The following SEPTIN6 variants were observed in gnomAD, a reference collection of about 807,000 sequenced individuals.
SEPTIN6 encodes septin 6, also known as septin-6.
SEPTIN6 carries 8 observed loss-of-function variants against 33.6 expected under a neutral mutation model. The observed-to-expected ratio is 0.24, with a 90% CI of 0.14 to 0.43. The LOEUF (loss-of-function observed/expected upper bound fraction) is 0.43. Among genes scored for constraint, SEPTIN6 ranks in the 20% least tolerant of loss-of-function variants. The pLI, the probability that SEPTIN6 is intolerant of heterozygous loss-of-function variation, is 1.00. For missense variants in SEPTIN6, 250 were observed against 340.8 expected (o/e 0.73, Z 2.10); for synonymous variants, 131 against 140.0 (o/e 0.94, Z 0.45).
At chrX:119,634,633 A>G (rs749142111) in intron 7 of SEPTIN6, among the ~76,000 whole-genome samples, 9 of 111,485 alleles carry the variant, frequency 8.1e-5, no homozygotes, top group Non-Finnish European at 1.7e-4. Context: ...AGGAAGTAGT[A>G]CTAGATCCAA....
chrX:119,644,211 G>C (rs1272515257), intron 5 of SEPTIN6, among the ~76,000 whole-genome samples: 1 of 110,976 alleles, frequency 9.0e-6, no homozygotes, highest in Non-Finnish European at 1.9e-5. Flanking sequence ...AGGAGAGTCT[G>C]TGTGACTCTC....
At chrX:119,622,393 G>A (rs1260931350) in intron 10 of SEPTIN6, among the ~76,000 whole-genome samples, 5 of 111,794 alleles carry the variant, frequency 4.5e-5, no homozygotes, top group African/African-American at 1.6e-4. Context: ...GGTGGCCTTC[G>A]TGATCCACCC....
Position 119,619,340 on chromosome X carries a change from T to G in SEPTIN6, c.*753A>C. On this transcript the variant is annotated 3_prime_UTR_variant, in exon 11 of 11. Coordinates refer to ENST00000394610, the MANE Select transcript of SEPTIN6 (RefSeq NM_145799.4). ...CTAGGCTGGTAATAATATTCAGGTT[T>G]ATTCTCCCTTTTGCATCTGTGGGAT... 1 of 813,838 alleles carries G rather than the reference T, an allele frequency of 1.2e-6. No homozygotes were observed. The highest frequency in any genetic ancestry group is 1.5e-6 in the Non-Finnish European group (1 of 676,202). 67.1% of individuals were successfully genotyped at this position (813,838 alleles called of 1,213,427 possible).
chrX:119,683,081 C>G (rs752910500), intron 1 of SEPTIN6, among the ~76,000 whole-genome samples: 5 of 111,445 alleles, frequency 4.5e-5, no homozygotes, highest in African/African-American at 1.6e-4. Context: ...TGGGAAAACC[C>G]GTCTCTACTG....
In SEPTIN6 at chrX:119,629,362, C is replaced by G. The variant is rs1252894114; in HGVS notation, c.1236G>C (p.Gln412His). ...AAELLQSQGS[Q>H]AGGSQTLKRD... ...TCTTCAGAGTCTGTGAGCCTCCAGC[C>G]TGGGAGCCCTGGGACTGGAGCAGCT... The change falls in exon 9 of 11, where the codon CAG (glutamine) becomes CAC (histidine). Residue 412 changes from glutamine (Q) to histidine (H), a missense_variant. Coordinates refer to ENST00000394610, the MANE Select transcript of SEPTIN6 (RefSeq NM_145799.4). The G allele has an allele frequency of 2.5e-6, 3 of 1,211,759 alleles. No individual in the cohort carries two copies. In the South Asian group the frequency reaches 5.3e-5, roughly 21 times the overall value.
chrX:119,639,987 T>C (rs2054126655), intron 6 of SEPTIN6, among the ~76,000 whole-genome samples: 1 of 105,568 alleles, frequency 9.5e-6, no homozygotes, highest in Admixed American at 1.0e-4. Context: ...TTTTTTTGTA[T>C]TTTTAGTAGA....
At chrX:119,640,574 T>G (rs1170946511) in intron 6 of SEPTIN6, 118 bp downstream of exon 6, 5 of 572,511 alleles carry the variant, frequency 8.7e-6, no homozygotes, top group African/African-American at 2.3e-5. Flanking sequence ...TTGGGACCCA[T>G]GCCGAATGAG....
At chrX:119,685,226 T>C (rs17331880) in intron 1 of SEPTIN6, among the ~76,000 whole-genome samples, 3,508 of 111,628 alleles carry the variant, frequency 0.031, 108 homozygotes, top group East Asian at 0.18. Context: ...TCAGCTGTCA[T>C]GTACCTTTAT....
At chrX:119,627,708 G>A (rs1208241726) in intron 9 of SEPTIN6, among the ~76,000 whole-genome samples, 4 of 107,797 alleles carry the variant, frequency 3.7e-5, no homozygotes, top group African/African-American at 1.3e-4. Flanking sequence ...AGCAACCTCA[G>A]ATATAGGGCA....
chrX:119,646,495 A>G (rs1165387120), intron 5 of SEPTIN6, among the ~76,000 whole-genome samples: 1 of 112,057 alleles, frequency 8.9e-6, no homozygotes, highest in Non-Finnish European at 1.9e-5. Flanking sequence ...TCTTAGTATT[A>G]AAGTCTACAA....
chrX:119,646,734 T>C (rs1396229864), intron 5 of SEPTIN6: 1 of 266,505 alleles, frequency 3.8e-6, no homozygotes, highest in Non-Finnish European at 8.3e-6. Flanking sequence ...CTTCTTCCAA[T>C]CCAGCTCCTA....
chrX:119,623,974 A>T (rs1430787161), intron 10 of SEPTIN6: 2 of 257,745 alleles, frequency 7.8e-6, no homozygotes, highest in Non-Finnish European at 1.5e-5. Context: ...CTCCCTATAA[A>T]CTATGTGAAA....
At chrX:119,661,460 T>C (rs2054545783) in intron 3 of SEPTIN6, among the ~76,000 whole-genome samples, 1 of 111,430 alleles carries the variant, frequency 9.0e-6, no homozygotes, top group Non-Finnish European at 1.9e-5. Context: ...AAAAAGAAGC[T>C]ACATATATTT....
At chrX:119,632,465 G>T (rs751691240) in intron 8 of SEPTIN6, among the ~76,000 whole-genome samples, 6 of 109,901 alleles carry the variant, frequency 5.5e-5, no homozygotes, top group Non-Finnish European at 1.1e-4. Context: ...CAAAGTGCTG[G>T]GATTACAGGC....
chrX:119,653,135 G>T, intron 3 of SEPTIN6, 95 bp from the exon 4 acceptor site: 1 of 675,309 alleles, frequency 1.5e-6, no homozygotes, highest in Non-Finnish European at 2.2e-6. Context: ...CTGTAATCTT[G>T]ACTCTCTCCC....
At chrX:119,643,180 C>A (rs1254016007) in intron 5 of SEPTIN6, among the ~76,000 whole-genome samples, 3 of 110,518 alleles carry the variant, frequency 2.7e-5, no homozygotes, top group Non-Finnish European at 5.7e-5. Flanking sequence ...CGAATCCACC[C>A]CTAAACACTT....
rs2054374555 is a variant in SEPTIN6 at position 119,652,951 on chromosome X, T to C, written c.431A>G (p.His144Arg). 11 of 1,208,853 alleles carry C rather than the reference T, an allele frequency of 9.1e-6. No homozygotes were observed. The highest frequency in any genetic ancestry group is 1.2e-5 in the Non-Finnish European group (11 of 893,556). ...CAAGCAGACATGGATTCGGGAGTCA[T>C]GGTAGGTGTGTAGCACTCTTCGGAT... ...LKIRRVLHTY[H>R]DSRIHVCLYF... The change falls in exon 4 of 11, where the codon CAT becomes CGT. Residue 144 changes from histidine (H) to arginine (R), a missense_variant. Transcript: ENST00000394610.
At chrX:119,640,114 A>C (rs2054128977) in intron 6 of SEPTIN6, among the ~76,000 whole-genome samples, 1 of 99,657 alleles carries the variant, frequency 1.0e-5, no homozygotes, top group African/African-American at 3.8e-5. Flanking sequence ...GCCCAGCCCC[A>C]ACACGTAGTT....
intron 1 of SEPTIN6, among the ~76,000 whole-genome samples, chrX:119,688,828 T>C (rs1162217545): frequency 9.0e-6 from 1 of 111,188 alleles, no homozygotes; most frequent in Non-Finnish European, 1.9e-5. Flanking sequence ...TTTTTAAATA[T>C]TTAGGGCCAT....
Sources: allele counts gnomAD v4.1 joint callset (sites outside exome capture counted in the v4.1 genomes callset), GRCh38; gene constraint gnomAD v4.1.1; transcripts MANE v1.5; gene names NCBI Gene and HGNC (gene_info 2026-07-23, HGNC 2026-07-21).